CDH12: variants seen among roughly 807,000 people sequenced by gnomAD.
The protein encoded by CDH12 is cadherin 12, also known as cadherin-12.
CDH12 carries 41 observed loss-of-function variants against 74.1 expected under a neutral mutation model. That is an observed-to-expected ratio of 0.55 (90% CI 0.43 to 0.72). The LOEUF (loss-of-function observed/expected upper bound fraction) is 0.72, where lower values mean the gene tolerates loss of function less well. CDH12 is among the 30% of genes least tolerant of loss of function. CDH12 has a pLI of 0.00. For synonymous variants in CDH12, 399 were observed against 355.0 expected, an observed-to-expected ratio of 1.12 and a Z score of -1.39; for missense variants, 945 against 977.2, an observed-to-expected ratio of 0.97 and a Z score of 0.44.
intron 2 of CDH12, among the ~76,000 whole-genome samples, chr5:22,462,530 C>G (rs1194280570): frequency 6.6e-6 from 1 of 152,148 alleles, no homozygotes; most frequent in East Asian, 1.9e-4. Context: ...GGCATCGTGG[C>G]AGGCTGCCTA....
chr5:22,716,858 G>A (rs1396833627), intron 1 of CDH12, among the ~76,000 whole-genome samples: 5 of 150,984 alleles, frequency 3.3e-5, no homozygotes, highest in Non-Finnish European at 5.9e-5. Context: ...ATTTGAAAAA[G>A]AAAAAAAGAT....
intron 3 of CDH12, among the ~76,000 whole-genome samples, chr5:22,263,169 C>T (rs116710303): frequency 0.038 from 5,841 of 152,070 alleles, 386 homozygotes; most frequent in African/African-American, 0.13. Flanking sequence ...AATACACAAT[C>T]AAATAGAAGT....
intron 1 of CDH12, among the ~76,000 whole-genome samples, chr5:22,547,429 C>A (rs1315554905): frequency 6.6e-6 from 1 of 152,146 alleles, no homozygotes; most frequent in Admixed American, 6.6e-5. Context: ...AGTCCAATTT[C>A]TCCTCAATGA....
intron 4 of CDH12, among the ~76,000 whole-genome samples, chr5:22,102,369 T>C (rs1422871967): frequency 6.6e-6 from 1 of 152,138 alleles, no homozygotes; most frequent in Admixed American, 6.5e-5. Flanking sequence ...AAAGCATTTG[T>C]TGAAAACGTA....
intron 1 of CDH12, among the ~76,000 whole-genome samples, chr5:22,686,852 G>T (rs1053718857): frequency 3.9e-5 from 6 of 152,192 alleles, no homozygotes; most frequent in Non-Finnish European, 7.3e-5. Flanking sequence ...CCCAAGGGTT[G>T]TCTGCTCACT....
At position 21,858,322 on chromosome 5, in the gene CDH12, A is replaced by T. The variant is rs190803995; in HGVS notation, c.527-3532T>A. Among the ~76,000 whole-genome samples, 196 of 152,038 alleles carry T rather than the reference A, an allele frequency of 1.3e-3. 2 individuals carry two copies. Among genetic ancestry groups the T allele is most frequent in the African/African-American group, 4.6e-3 (193 of 41,538 alleles). ...TGATCTCAGTAATTCGCAAGCAAAC[A>T]TTCATATCATAATAAAACTCTGATA... On this transcript the variant is annotated intron_variant, in intron 6 of 14. Transcript: ENST00000382254.
intron 1 of CDH12, among the ~76,000 whole-genome samples, chr5:22,690,303 A>C (rs529259610): frequency 4.4e-4 from 67 of 152,236 alleles, no homozygotes; most frequent in African/African-American, 1.6e-3. Context: ...AGGGTATGGG[A>C]ATTTTAAGTG....
chr5:22,475,423 G>A (rs1270836780), intron 2 of CDH12, among the ~76,000 whole-genome samples: 2 of 151,418 alleles, frequency 1.3e-5, no homozygotes, highest in South Asian at 2.1e-4. Flanking sequence ...TTAGGTGAAA[G>A]GTATTAGAAT....
At chr5:22,681,268 AGAT>A (rs1741479217) in intron 1 of CDH12, among the ~76,000 whole-genome samples, 2 of 140,472 alleles carry the variant, frequency 1.4e-5, no homozygotes, top group African/African-American at 6.0e-5. Context: ...TGTGTGTATT[AGAT>A]AAGTGCCCAG....
At position 22,110,636 on chromosome 5, in the gene CDH12, T is replaced by C. The variant is rs781701148; in HGVS notation, c.-186-31774A>G. Among the ~76,000 whole-genome samples the C allele has an allele frequency of 9.0e-4, 137 of 151,954 alleles. 1 individual carries two copies. The highest frequency in any genetic ancestry group is 1.1e-3 in the Non-Finnish European group (75 of 67,952). On this transcript the variant is annotated intron_variant, in intron 4 of 14. Transcript: ENST00000382254. ...AGTAATCAGTGTCATACATGCAAAA[T>C]ACCTGAAAAGATATCTCAAAAGGCC...
chr5:22,258,139 G>A (rs951574604), intron 3 of CDH12, among the ~76,000 whole-genome samples: 1 of 151,950 alleles, frequency 6.6e-6, no homozygotes, highest in Admixed American at 6.6e-5. Context: ...TCTTGTGAAA[G>A]GTTTCTGAAA....
chr5:21,965,064 T>G (rs1334573625), intron 6 of CDH12, among the ~76,000 whole-genome samples: 1 of 151,980 alleles, frequency 6.6e-6, no homozygotes, highest in African/African-American at 2.4e-5. Context: ...GAATTGCTTC[T>G]AATTCTGGCC....
At position 21,755,632 on chromosome 5, in the gene CDH12, C is replaced by G; in HGVS notation, c.1844G>C (p.Gly615Ala). 1 of 1,613,956 alleles carries G rather than the reference C, an allele frequency of 6.2e-7. No individual in the cohort carries two copies. Among genetic ancestry groups the G allele is most frequent in the Non-Finnish European group, 8.5e-7 (1 of 1,179,906 alleles). Residue 615 changes from glycine (G) to alanine (A), a missense_variant, in exon 14 of 15, where the codon GGG becomes GCG. By Grantham distance (60) the Gly-to-Ala change is moderately conservative. Around this residue, in one of 3 missense-constraint regions of CDH12, gnomAD observed 791 missense variants for 792.8 expected, o/e 1.00. Coordinates refer to ENST00000382254, the MANE Select transcript of CDH12 (RefSeq NM_004061.5). ...GCATAGTAGAATTGCAATCAACGCC[C>G]CAGTGCTAAGTCCTACAGGTAGAAA... ...AIFLPVGLST[G>A]ALIAILLCIV...
At chr5:21,807,113 T>G (rs1159696336) in intron 9 of CDH12, among the ~76,000 whole-genome samples, 1 of 152,132 alleles carries the variant, frequency 6.6e-6, no homozygotes, top group Non-Finnish European at 1.5e-5. Flanking sequence ...AATCTAAGAT[T>G]GGTCTTTTGA....
intron 1 of CDH12, among the ~76,000 whole-genome samples, chr5:22,540,132 A>T (rs979890769): frequency 2.0e-5 from 3 of 152,136 alleles, no homozygotes; most frequent in Non-Finnish European, 4.4e-5. Flanking sequence ...TTTTTAGCAC[A>T]GAGCAATTTT....
chr5:21,944,765 G>A (rs575585253), intron 6 of CDH12, among the ~76,000 whole-genome samples: 1 of 152,136 alleles, frequency 6.6e-6, no homozygotes, highest in Non-Finnish European at 1.5e-5. Flanking sequence ...GGGAAGTGAG[G>A]TTATTTTTTC....
intron 1 of CDH12, among the ~76,000 whole-genome samples, chr5:22,704,223 C>A (rs927359162): frequency 6.6e-6 from 1 of 152,068 alleles, no homozygotes; most frequent in Non-Finnish European, 1.5e-5. Flanking sequence ...TACAGAGAGG[C>A]AGCGAAAGGC....
intron 5 of CDH12, among the ~76,000 whole-genome samples, chr5:22,064,687 T>C (rs1285616801): frequency 6.6e-6 from 1 of 152,182 alleles, no homozygotes; most frequent in Non-Finnish European, 1.5e-5. Context: ...AATAATCATT[T>C]AATGTATAAA....
chr5:22,218,279 C>T (rs1033971760), intron 3 of CDH12, among the ~76,000 whole-genome samples: 6 of 151,528 alleles, frequency 4.0e-5, no homozygotes, highest in African/African-American at 1.5e-4. Context: ...TATTTCCATT[C>T]AAACAACTAG....
Sources: allele counts gnomAD v4.1 joint callset (sites outside exome capture counted in the v4.1 genomes callset), GRCh38; gene constraint gnomAD v4.1.1; regional missense constraint gnomAD v4.1.1; transcripts MANE v1.5; gene names NCBI Gene and HGNC (gene_info 2026-07-23, HGNC 2026-07-21).